The following RGSL1 variants were observed in gnomAD, a reference collection of about 807,000 sequenced individuals.
RGSL1 encodes regulator of G protein signaling like 1.
RGSL1 carries 97 observed loss-of-function variants against 124.7 expected under a neutral mutation model. The ratio of observed to expected loss-of-function variants is 0.78; its 90% CI spans 0.66 to 0.92. RGSL1 has a LOEUF of 0.92. Among genes scored for constraint, RGSL1 ranks in the 40% least tolerant of loss-of-function variants. The pLI is 0.00. For synonymous variants in RGSL1, 424 were observed against 438.1 expected (o/e 0.97, Z 0.40); for missense variants, 1,233 against 1,288.4 (o/e 0.96, Z 0.66).
chr1:182,522,765 A>G (rs549321500), intron 10 of RGSL1, among the ~76,000 whole-genome samples: 3 of 152,190 alleles, frequency 2.0e-5, no homozygotes, highest in Non-Finnish European at 4.4e-5. Flanking sequence ...TCAAGCATTT[A>G]TATGTACTAC....
intron 9 of RGSL1, among the ~76,000 whole-genome samples, chr1:182,512,421 C>T (rs534126972): frequency 6.6e-6 from 1 of 152,196 alleles, no homozygotes; most frequent in African/African-American, 2.4e-5. Context: ...CCTGACCCCC[C>T]CTCTGCAGAA....
chr1:182,516,956 T>C (rs1284512449), intron 9 of RGSL1, among the ~76,000 whole-genome samples: 1 of 152,136 alleles, frequency 6.6e-6, no homozygotes, highest in Non-Finnish European at 1.5e-5. Context: ...CCTTCAAATG[T>C]TTTTTCATTT....
At chr1:182,453,904 C>G in intron 1 of RGSL1, 54 bp from the exon 2 acceptor site, 1 of 957,814 alleles carries the variant, frequency 1.0e-6, no homozygotes, top group Non-Finnish European at 1.6e-6. Flanking sequence ...TTTTCTGAAC[C>G]TGAATGCAAT....
At position 182,477,383 on chromosome 1, in the gene RGSL1, T is replaced by C. The variant is rs111279383; in HGVS notation, c.1431+2841T>C. On this transcript the variant is annotated intron_variant, in intron 6 of 21. Transcript: ENST00000294854. ...ACGACCCAATGCCTTTCGGTCTCAT[T>C]AGACACGGAAGCAGCCCTGTGACCC... Among the ~76,000 whole-genome samples, 1,201 of 152,270 alleles carry C rather than the reference T, an allele frequency of 7.9e-3. 12 individuals carry two copies. The highest frequency in any genetic ancestry group is 0.023 in the African/African-American group (945 of 41,552).
intron 9 of RGSL1, among the ~76,000 whole-genome samples, chr1:182,517,205 G>C (rs1037383183): frequency 8.6e-5 from 13 of 151,016 alleles, no homozygotes; most frequent in Middle Eastern, 3.5e-3. Context: ...CTGCTGTTCT[G>C]TATGATTTCT....
intron 11 of RGSL1, among the ~76,000 whole-genome samples, chr1:182,529,883 T>C (rs1378068500): frequency 6.6e-6 from 1 of 152,106 alleles, no homozygotes; most frequent in African/African-American, 2.4e-5. Flanking sequence ...GAATCTTGGA[T>C]TCCCCGTCTG....
In RGSL1 at chr1:182,488,298, GGTA is replaced by G; in HGVS notation, c.1446_1448del (p.Trp482_Tyr483delinsCys). The G allele has an allele frequency of 3.2e-6, 5 of 1,552,152 alleles. No homozygotes were observed. Among genetic ancestry groups the G allele is most frequent in the Non-Finnish European group, 4.4e-6 (5 of 1,147,104 alleles). On this transcript the variant is annotated inframe_deletion, in exon 7 of 22. Coordinates refer to ENST00000294854, the MANE Select transcript of RGSL1 (RefSeq NM_001137669.2). ...TTTGGTTTTCAGATGCTCAGTCCCT[GGTA>G]TGATGAGTTTCTAGATGAAGAGGAC...
intron 8 of RGSL1, among the ~76,000 whole-genome samples, chr1:182,492,576 G>A (rs1034772967): frequency 2.6e-5 from 4 of 151,270 alleles, no homozygotes; most frequent in Middle Eastern, 6.9e-3. Flanking sequence ...TAGGGAACTT[G>A]TATTATTTCT....
intron 2 of RGSL1, among the ~76,000 whole-genome samples, chr1:182,454,621 TGTGTGG>T (rs1474470960): frequency 1.4e-5 from 2 of 141,562 alleles, no homozygotes; most frequent in Admixed American, 7.2e-5. Context: ...TGTGTGTGTG[TGTGTGG>T]CCCCCAGTAG....
At chr1:182,494,623 T>C (rs1297809252) in intron 9 of RGSL1, among the ~76,000 whole-genome samples, 1 of 152,236 alleles carries the variant, frequency 6.6e-6, no homozygotes, top group Non-Finnish European at 1.5e-5. Context: ...TAAGTAAGTC[T>C]CTGATACTGA....
chr1:182,469,954 G>C (rs1653687192), intron 4 of RGSL1, among the ~76,000 whole-genome samples: 1 of 152,144 alleles, frequency 6.6e-6, no homozygotes, highest in Non-Finnish European at 1.5e-5. Flanking sequence ...ACTTAGGATA[G>C]TCAAAGTCAT....
In RGSL1 at chr1:182,532,713, C is replaced by T. The variant is rs545939376; in HGVS notation, c.2416C>T (p.Arg806Cys). 62 of 1,550,750 alleles carry T rather than the reference C, an allele frequency of 4.0e-5. No homozygotes were observed. In the African/African-American group the frequency reaches 4.4e-4, roughly 11 times the overall value. The change falls in exon 14 of 22, where the codon CGC becomes TGC. Residue 806 changes from arginine (R) to cysteine (C), a missense_variant. Arg to Cys is a radical substitution (Grantham distance 180). Coordinates refer to ENST00000294854, the MANE Select transcript of RGSL1 (RefSeq NM_001137669.2). ...ISFIRSFCKY[R>C]RFMLNPSKRQ... ...CTTTATCAGGAGTTTTTGCAAGTACCGCAGATTTATGTTGAATCCTAGTAA... is the reference window on the plus strand; with the variant it reads ...CTTTATCAGGAGTTTTTGCAAGTACTGCAGATTTATGTTGAATCCTAGTAA...
rs184324762 is a variant in RGSL1 at position 182,484,550 on chromosome 1, A to G, written c.1432-3735A>G. Among the ~76,000 whole-genome samples the G allele has an allele frequency of 3.9e-5, 6 of 152,278 alleles. No individual in the cohort carries two copies. The East Asian group carries it at 1.2e-3, about 29-fold the overall frequency. On this transcript the variant is annotated intron_variant, in intron 6 of 21. Transcript: ENST00000294854. ...CATCAATTTCCCAGGAAGGCGTGTGAAGCTTTGGCTTCAGTTCACAGGTTC... is the reference window on the plus strand; with the variant it reads ...CATCAATTTCCCAGGAAGGCGTGTGGAGCTTTGGCTTCAGTTCACAGGTTC...
At chr1:182,536,046 C>T (rs1051427038) in intron 14 of RGSL1, among the ~76,000 whole-genome samples, 3 of 152,148 alleles carry the variant, frequency 2.0e-5, no homozygotes, top group Non-Finnish European at 4.4e-5. Flanking sequence ...AGTCTTAATG[C>T]ATGCATGCAA....
At chr1:182,536,426 A>G (rs1295947806) in intron 14 of RGSL1, among the ~76,000 whole-genome samples, 1 of 152,208 alleles carries the variant, frequency 6.6e-6, no homozygotes, top group Non-Finnish European at 1.5e-5. Context: ...TGATGTATGA[A>G]AGTTTCAACC....
intron 15 of RGSL1, among the ~76,000 whole-genome samples, chr1:182,543,302 A>G (rs576837432): frequency 6.6e-6 from 1 of 152,344 alleles, no homozygotes; most frequent in South Asian, 2.1e-4. Context: ...ATCTATTGAA[A>G]TGATCATATG....
intron 9 of RGSL1, among the ~76,000 whole-genome samples, chr1:182,495,474 A>G (rs1270555058): frequency 6.6e-6 from 1 of 152,192 alleles, no homozygotes; most frequent in African/African-American, 2.4e-5. Context: ...TGTCCCCAGT[A>G]TTCTAATCTT....
At chr1:182,493,279 T>C (rs1335132748) in intron 9 of RGSL1, 150 bp downstream of exon 9, 1 of 614,440 alleles carries the variant, frequency 1.6e-6, no homozygotes. Context: ...GTAATGACTA[T>C]GTCTTTTTTC....
At chr1:182,558,386 A>T (rs1198501913) in intron 21 of RGSL1, among the ~76,000 whole-genome samples, 1 of 152,220 alleles carries the variant, frequency 6.6e-6, no homozygotes, top group Non-Finnish European at 1.5e-5. Context: ...TTTTGCTACC[A>T]TAACAAGTTA....
Sources: allele counts gnomAD v4.1 joint callset (sites outside exome capture counted in the v4.1 genomes callset), GRCh38; gene constraint gnomAD v4.1.1; transcripts MANE v1.5; gene names NCBI Gene and HGNC (gene_info 2026-07-23, HGNC 2026-07-21).